The following RYR2 variants were observed in gnomAD, a reference collection of about 807,000 sequenced individuals.
The protein encoded by RYR2 is ryanodine receptor 2, also known as cardiac muscle ryanodine receptor-calcium release channel.
In RYR2, 227 loss-of-function variants were observed where a neutral mutation model predicts 601.1. The ratio of observed to expected loss-of-function variants is 0.38; its 90% CI spans 0.34 to 0.42. The LOEUF (loss-of-function observed/expected upper bound fraction) is 0.42, where lower values mean the gene tolerates loss of function less well. Among genes scored for constraint, RYR2 ranks in the 10% least tolerant of loss-of-function variants. The pLI is 1.00. For missense variants in RYR2, 4,646 were observed against 6,156.5 expected (o/e 0.75, Z 8.21); for synonymous variants, 2,223 against 2,175.1 (o/e 1.02, Z -0.61).
intron 2 of RYR2, among the ~76,000 whole-genome samples, chr1:237,278,584 G>C (rs1263722247): frequency 2.0e-5 from 3 of 152,124 alleles, no homozygotes; most frequent in African/African-American, 7.2e-5. Flanking sequence ...TTCTGAGTAG[G>C]AGATAAGTGA....
intron 1 of RYR2, among the ~76,000 whole-genome samples, chr1:237,098,919 CG>C (rs144818990): frequency 0.032 from 4,876 of 152,274 alleles, 115 homozygotes; most frequent in East Asian, 0.13. Context: ...GGAGCTGAGA[CG>C]GTCTCTTCCC....
intron 1 of RYR2, among the ~76,000 whole-genome samples, chr1:237,061,780 T>A (rs543937471): frequency 3.8e-4 from 58 of 152,272 alleles, no homozygotes; most frequent in Middle Eastern, 3.4e-3. Flanking sequence ...AGATTATCAG[T>A]TTTTTTAAAT....
intron 98 of RYR2, among the ~76,000 whole-genome samples, chr1:237,804,334 G>A (rs1167476660): frequency 4.8e-5 from 5 of 104,554 alleles, no homozygotes. Flanking sequence ...TTTTAAAAAT[G>A]CTGTTTTCTT....
rs1558596728 is a variant in RYR2 at position 237,308,943 on chromosome 1, A to C, written c.169-21935A>C. ...TGACAGGGTGCTGATTGGTGCGTTT[A>C]GAATCCCTGAGTTAGACACAAAAGT... On this transcript the variant is annotated intron_variant, in intron 2 of 104. Coordinates refer to ENST00000366574, the MANE Select transcript of RYR2 (RefSeq NM_001035.3). 2.0e-5 allele frequency among the ~76,000 whole-genome samples: 3 copies of C among 152,232 alleles called. No individual in the cohort carries two copies. The South Asian group carries it at 6.2e-4, about 32-fold the overall frequency.
intron 2 of RYR2, among the ~76,000 whole-genome samples, chr1:237,276,169 G>A (rs1026422350): frequency 1.3e-5 from 2 of 152,058 alleles, no homozygotes; most frequent in African/African-American, 4.8e-5. Flanking sequence ...GCACGAACTC[G>A]GCTAACTGAA....
At chr1:237,306,428 T>C (rs1282257918) in intron 2 of RYR2, among the ~76,000 whole-genome samples, 8 of 152,224 alleles carry the variant, frequency 5.3e-5, no homozygotes, top group African/African-American at 1.9e-4. Context: ...TATGGACTAT[T>C]CTATCATTTA....
chr1:237,196,039 C>A (rs1026988879), intron 1 of RYR2, among the ~76,000 whole-genome samples: 45 of 152,102 alleles, frequency 3.0e-4, no homozygotes, highest in African/African-American at 9.7e-4. Context: ...GAAATTCATG[C>A]GACCTTTTAA....
intron 47 of RYR2, among the ~76,000 whole-genome samples, chr1:237,641,568 G>T (rs1681547903): frequency 7.1e-6 from 1 of 141,518 alleles, no homozygotes; most frequent in Admixed American, 7.3e-5. Flanking sequence ...TTGAGGCAAG[G>T]TCTTGCTCTG....
intron 1 of RYR2, among the ~76,000 whole-genome samples, chr1:237,172,499 A>ATT (rs71561861): frequency 3.5e-4 from 52 of 147,898 alleles, no homozygotes; most frequent in African/African-American, 1.3e-3. Context: ...TACCTGTTTG[A>ATT]TTTTTTTTTT....
At chr1:237,369,423 A>G (rs894382769) in intron 5 of RYR2, 111 bp from the exon 6 acceptor site, 1 of 908,282 alleles carries the variant, frequency 1.1e-6, no homozygotes, top group Non-Finnish European at 1.8e-6. Flanking sequence ...CTCTTAATAC[A>G]TTCTTTCCTA....
intron 11 of RYR2, among the ~76,000 whole-genome samples, chr1:237,418,756 C>T (rs900575483): frequency 6.6e-6 from 1 of 151,838 alleles, no homozygotes; most frequent in Non-Finnish European, 1.5e-5. Context: ...TCTTATATTT[C>T]TTATGTTAGT....
intron 73 of RYR2, among the ~76,000 whole-genome samples, 174 bp from the exon 74 acceptor site, chr1:237,722,954 C>T (rs966597933): frequency 1.3e-5 from 2 of 152,150 alleles, no homozygotes; most frequent in African/African-American, 4.8e-5. Context: ...CCATGCTGTA[C>T]ATTAGATCTC....
chr1:237,820,306 T>C (rs1477186441), intron 101 of RYR2, among the ~76,000 whole-genome samples: 1 of 152,004 alleles, frequency 6.6e-6, no homozygotes, highest in Non-Finnish European at 1.5e-5. Context: ...GATTTCTGCA[T>C]TTCCAACTGA....
chr1:237,492,904 G>GA, intron 18 of RYR2, 50 bp from the exon 19 acceptor site: 1 of 1,413,340 alleles, frequency 7.1e-7, no homozygotes, highest in Non-Finnish European at 9.6e-7. Flanking sequence ...AGGGAGGGAG[G>GA]GAAAGCAGGG....
intron 84 of RYR2, among the ~76,000 whole-genome samples, chr1:237,770,323 C>A (rs1694171446): frequency 6.6e-6 from 1 of 152,126 alleles, no homozygotes. Context: ...ACAGCTTTCA[C>A]AAAAATCCAT....
intron 47 of RYR2, among the ~76,000 whole-genome samples, chr1:237,641,787 C>G (rs1426621149): frequency 1.3e-5 from 2 of 152,224 alleles, no homozygotes; most frequent in Non-Finnish European, 2.9e-5. Context: ...AGTGATCCAA[C>G]TGCCTCGGCC....
At chr1:237,349,977 G>A (rs1328101026) in intron 3 of RYR2, among the ~76,000 whole-genome samples, 2 of 151,936 alleles carry the variant, frequency 1.3e-5, no homozygotes, top group Admixed American at 6.6e-5. Context: ...TTTATGATAT[G>A]TAAATTATAT....
In RYR2 at chr1:237,608,855, G is replaced by A. The variant is rs557474534; in HGVS notation, c.4684-1907G>A. Among the ~76,000 whole-genome samples, 10 of 139,996 alleles carry A rather than the reference G, an allele frequency of 7.1e-5. No individual in the cohort carries two copies. The East Asian group carries it at 2.1e-3, about 29-fold the overall frequency. The allele number at this position is 139,996 out of a possible 152,430, so 91.8% of individuals were successfully genotyped here. A position where few individuals can be genotyped will look rare whatever the true frequency, so the allele number is the denominator to read the frequency against. Reference sequence around the variant, plus strand: ...GACAAGGAGTTGTAGTTTCTCAGAAGCCTGACTGATATATTCAGTCATCTA... The same window carrying A: ...GACAAGGAGTTGTAGTTTCTCAGAAACCTGACTGATATATTCAGTCATCTA... On this transcript the variant is annotated intron_variant, in intron 35 of 104. Coordinates refer to ENST00000366574, the MANE Select transcript of RYR2 (RefSeq NM_001035.3).
At chr1:237,196,095 CA>C (rs1680530137) in intron 1 of RYR2, among the ~76,000 whole-genome samples, 1 of 152,138 alleles carries the variant, frequency 6.6e-6, no homozygotes, top group Non-Finnish European at 1.5e-5. Flanking sequence ...TCATTAATTA[CA>C]AATGTCAAGT....
Sources: gnomAD v4.1 joint callset for allele counts (sites outside exome capture counted in the v4.1 genomes callset) on GRCh38, gnomAD v4.1.1 for gene constraint, MANE v1.5 for transcripts, NCBI Gene and HGNC (gene_info 2026-07-23, HGNC 2026-07-21) for gene names.